Variants in MIR17HG observed in about 807,000 individuals in gnomAD.
The protein encoded by MIR17HG is miR-17-92a-1 cluster host gene.
intron 1 of MIR17HG, among the ~76,000 whole-genome samples, chr13:91,349,214 G>A (rs1291258729): frequency 5.3e-5 from 8 of 152,134 alleles, no homozygotes. Flanking sequence ...CTGCAGCAAA[G>A]GGAAAAGGAA....
chr13:91,353,958 A>G lies in MIR17HG; in HGVS notation n.310A>G, dbSNP rs962190873. The G allele has an allele frequency of 2.0e-5, 3 of 152,814 alleles. No homozygotes were observed. In the South Asian group the frequency reaches 6.2e-4, roughly 32 times the overall value. 9.5% of individuals were successfully genotyped at this position (152,814 alleles called of 1,614,324 possible). A position where few individuals can be genotyped will look rare whatever the true frequency, so the allele number is the denominator to read the frequency against. Reference sequence around the variant, plus strand: ...GCAGACCTGTCTAACTACAAGCCAGACTTGGGTTTTCTCCTGTAGTTTGAA... The same window carrying G: ...GCAGACCTGTCTAACTACAAGCCAGGCTTGGGTTTTCTCCTGTAGTTTGAA... On this transcript the variant is annotated non_coding_transcript_exon_variant, in exon 4 of 4. Coordinates refer to ENST00000400282, the Ensembl canonical transcript of MIR17HG.
chr13:91,353,107 C>G (rs1594016110), intron 3 of MIR17HG, among the ~76,000 whole-genome samples: 1 of 72,702 alleles, frequency 1.4e-5, no homozygotes, highest in Admixed American at 1.7e-4. Context: ...AAGACTTAAA[C>G]GCAAAAAAAA....
intron 3 of MIR17HG, chr13:91,351,479 TAAAG>T (rs904997584): frequency 7.2e-6 from 3 of 416,240 alleles, no homozygotes. Flanking sequence ...CATGAAATAT[TAAAG>T]AAAATGTGTA....
chr13:91,351,289 A>G, intron 3 of MIR17HG: 1 of 531,856 alleles, frequency 1.9e-6, no homozygotes, highest in Non-Finnish European at 3.9e-6. Flanking sequence ...AAAAGTCTGT[A>G]GAAAAGTAAG....
intron 2 of MIR17HG, chr13:91,349,866 G>A (rs979185917): frequency 6.6e-6 from 1 of 152,196 alleles, no homozygotes; most frequent in Admixed American, 6.5e-5. Flanking sequence ...GAGAGTAAAA[G>A]TAGGTGTTTC....
intron 1 of MIR17HG, among the ~76,000 whole-genome samples, chr13:91,349,131 C>G (rs1875143442): frequency 6.6e-6 from 1 of 152,048 alleles, no homozygotes; most frequent in South Asian, 2.1e-4. Context: ...ACATGTGCTG[C>G]CGGCCCGGGC....
intron 3 of MIR17HG, chr13:91,350,424 G>A (rs764004373): frequency 1.7e-5 from 6 of 351,554 alleles, no homozygotes; most frequent in Admixed American, 1.5e-4. Flanking sequence ...GCATAAATAC[G>A]TGTCTAAATG....
chr13:91,352,840 G>T (rs1396978243), intron 3 of MIR17HG, among the ~76,000 whole-genome samples: 2 of 152,078 alleles, frequency 1.3e-5, no homozygotes, highest in Admixed American at 1.3e-4. Context: ...TGGACACGGT[G>T]GCTCACACCT....
intron 3 of MIR17HG, chr13:91,351,268 C>T (rs1566344716): frequency 1.9e-6 from 1 of 531,546 alleles, no homozygotes; most frequent in Admixed American, 1.9e-5. Context: ...GCAAAACTGA[C>T]TGTGGTAGTG....
rs1029841561 is a variant in MIR17HG at position 91,348,994 on chromosome 13, C to T, written n.141-704C>T. On this transcript the variant is annotated intron_variant and non_coding_transcript_variant, in intron 1 of 3. Transcript: ENST00000400282. ...CGCCGCACTCGGGCCTCGGCGCCGC[C>T]GGTCGCCGCGCGGCTGCCGCCGGGA... 4.7e-5 allele frequency among the ~76,000 whole-genome samples: 7 copies of T among 149,006 alleles called. No homozygotes were observed. In the East Asian group the frequency reaches 1.2e-3, roughly 25 times the overall value.
chr13:91,350,399 T>C (rs1444661825), intron 3 of MIR17HG: 1 of 336,868 alleles, frequency 3.0e-6, no homozygotes, highest in African/African-American at 2.2e-5. Context: ...TTGCCTTCTG[T>C]AAAGAATTCT....
At chr13:91,348,346 G>A (rs902698162) in intron 1 of MIR17HG, among the ~76,000 whole-genome samples, 104 of 150,814 alleles carry the variant, frequency 6.9e-4, no homozygotes, top group African/African-American at 2.3e-3. Context: ...GGCGCGCGCG[G>A]GGCGTGGGGT....
exon 4 of MIR17HG, chr13:91,353,965 T>G (rs1288196813): frequency 3.3e-5 from 5 of 152,778 alleles, no homozygotes; most frequent in Admixed American, 3.3e-4. Context: ...CAGACTTGGG[T>G]TTTCTCCTGT....
At chr13:91,349,174 G>C (rs1253340372) in intron 1 of MIR17HG, among the ~76,000 whole-genome samples, 1 of 152,078 alleles carries the variant, frequency 6.6e-6, no homozygotes, top group Non-Finnish European at 1.5e-5. Flanking sequence ...TGCAGTCTCG[G>C]GTGTTCCTGC....
intron 3 of MIR17HG, chr13:91,350,510 AGTT>A (rs1364061001): frequency 1.9e-6 from 1 of 519,800 alleles, no homozygotes; most frequent in Non-Finnish European, 3.9e-6. Flanking sequence ...TATGGTTTAT[AGTT>A]GTTAGAGTTT....
At chr13:91,353,867 CT>C (rs1875445778) in intron 3 of MIR17HG, 1 of 147,186 alleles carries the variant, frequency 6.8e-6, no homozygotes, top group Admixed American at 6.8e-5. Flanking sequence ...TTTAGGAATT[CT>C]TTTTAAAGCT....
chr13:91,353,861 G>T (rs1260994875), intron 3 of MIR17HG: 1 of 151,594 alleles, frequency 6.6e-6, no homozygotes, highest in Non-Finnish European at 1.5e-5. Flanking sequence ...TAACATTTTA[G>T]GAATTCTTTT....
chr13:91,350,302 T>G, intron 3 of MIR17HG: 1 of 203,512 alleles, frequency 4.9e-6, no homozygotes, highest in Non-Finnish European at 1.0e-5. Flanking sequence ...TTGTTTTGTT[T>G]TTTTTCTCTA....
chr13:91,348,265 T>G (rs1594011264), intron 1 of MIR17HG, among the ~76,000 whole-genome samples: 1 of 145,426 alleles, frequency 6.9e-6, no homozygotes, highest in Non-Finnish European at 1.5e-5. Flanking sequence ...CGAAGGCGGG[T>G]GGGCGGACGG....
Sources: allele counts gnomAD v4.1 joint callset (sites outside exome capture counted in the v4.1 genomes callset), GRCh38; gene constraint gnomAD v4.1.1; transcripts MANE v1.5; gene names NCBI Gene and HGNC (gene_info 2026-07-23, HGNC 2026-07-21).